LOXL2: variants seen among roughly 807,000 people sequenced by gnomAD.
LOXL2 encodes the protein lysyl oxidase like 2.
Under a neutral mutation model 93.0 loss-of-function variants are expected in LOXL2, and 70 were observed. The observed-to-expected ratio is 0.75, with a 90% confidence interval of 0.62 to 0.92. The LOEUF is 0.92. Ranked by LOEUF, LOXL2 falls within the 40% of genes least tolerant of loss-of-function variation. The probability of loss-of-function intolerance (pLI) is 0.00; values close to 1 mark genes in which losing one functional copy is unlikely to be tolerated. For synonymous variants in LOXL2, 438 were observed against 413.2 expected (o/e 1.06, Z -0.73); for missense variants, 973 against 1,054.9 (o/e 0.92, Z 1.08).
chr8:23,302,272 C>A, intron 11 of LOXL2, 109 bp from the exon 12 acceptor site: 1 of 1,365,982 alleles, frequency 7.3e-7, no homozygotes, highest in Non-Finnish European at 1.0e-6. Flanking sequence ...GCTCGGCATC[C>A]CACCCCACTG....
At chr8:23,371,913 G>C (rs1041862733) in intron 1 of LOXL2, among the ~76,000 whole-genome samples, 2 of 151,998 alleles carry the variant, frequency 1.3e-5, no homozygotes, top group Non-Finnish European at 2.9e-5. Flanking sequence ...TCTAATAAAT[G>C]CATGTTGTAA....
intron 10 of LOXL2, among the ~76,000 whole-genome samples, chr8:23,305,260 G>A (rs1803211741): frequency 1.3e-5 from 2 of 152,186 alleles, no homozygotes; most frequent in Admixed American, 6.5e-5. Context: ...CAGACGGAGC[G>A]CACAGACAGA....
At chr8:23,330,838 G>C (rs1055873066) in intron 5 of LOXL2, among the ~76,000 whole-genome samples, 3 of 152,062 alleles carry the variant, frequency 2.0e-5, no homozygotes, top group African/African-American at 7.2e-5. Flanking sequence ...GATTGTCGGA[G>C]GAGAGGGACA....
chr8:23,371,062 G>C (rs1220079836), intron 1 of LOXL2: 1 of 152,240 alleles, frequency 6.6e-6, no homozygotes, highest in Non-Finnish European at 1.5e-5. Flanking sequence ...ACACAGGGTA[G>C]AGGAGCTGAG....
intron 10 of LOXL2, among the ~76,000 whole-genome samples, chr8:23,309,248 G>C (rs1803283116): frequency 6.6e-6 from 1 of 152,102 alleles, no homozygotes; most frequent in African/African-American, 2.4e-5. Flanking sequence ...CTCCCAAAGT[G>C]CTGGGATTAC....
At chr8:23,300,459 C>T (rs1313998914) in intron 12 of LOXL2, among the ~76,000 whole-genome samples, 1 of 152,174 alleles carries the variant, frequency 6.6e-6, no homozygotes, top group Non-Finnish European at 1.5e-5. Flanking sequence ...TCCTCCTCGC[C>T]CAGCTCCCTC....
chr8:23,357,841 T>C (rs1012473573), intron 3 of LOXL2, among the ~76,000 whole-genome samples: 1 of 152,252 alleles, frequency 6.6e-6, no homozygotes, highest in Non-Finnish European at 1.5e-5. Flanking sequence ...GTGCTTCTCA[T>C]TGCTGTTTAG....
At chr8:23,311,212 C>A (rs1803315145) in intron 9 of LOXL2, among the ~76,000 whole-genome samples, 1 of 152,194 alleles carries the variant, frequency 6.6e-6, no homozygotes, top group Non-Finnish European at 1.5e-5. Flanking sequence ...TCTCAGTAAA[C>A]CCTGTGAGTT....
chr8:23,330,396 G>A (rs780642953), intron 5 of LOXL2, among the ~76,000 whole-genome samples: 2 of 151,988 alleles, frequency 1.3e-5, no homozygotes, highest in South Asian at 2.1e-4. Flanking sequence ...AACAAAACAC[G>A]CATAACTACT....
In LOXL2 at chr8:23,335,104, C is replaced by T. The variant is rs147859412; in HGVS notation, c.744-1481G>A. 6.4e-4 allele frequency among the ~76,000 whole-genome samples: 97 copies of T among 152,276 alleles called. 1 individual carries two copies. In the East Asian group the frequency reaches 0.018, roughly 29 times the overall value. On this transcript the variant is annotated intron_variant, in intron 4 of 13. Coordinates refer to ENST00000389131, the MANE Select transcript of LOXL2 (RefSeq NM_002318.3). Reference sequence around the variant, plus strand: ...CGTTGGGATTACAGGGATGAGCTATCACGCCAGACCATAAATCTGTATTTG... The same window carrying T: ...CGTTGGGATTACAGGGATGAGCTATTACGCCAGACCATAAATCTGTATTTG...
At chr8:23,321,368 G>A (rs372318572) in intron 7 of LOXL2, among the ~76,000 whole-genome samples, 24 of 152,328 alleles carry the variant, frequency 1.6e-4, no homozygotes, top group African/African-American at 5.5e-4. Flanking sequence ...TGCACTGGGG[G>A]GCTTTTCTCA....
At chr8:23,301,786 TAACTC>T (rs2117138075) in intron 12 of LOXL2, among the ~76,000 whole-genome samples, 1 of 152,332 alleles carries the variant, frequency 6.6e-6, no homozygotes, top group East Asian at 1.9e-4. Context: ...CACCAGGTGT[TAACTC>T]AATCAAATGT....
chr8:23,303,501 C>A, intron 10 of LOXL2, 104 bp from the exon 11 acceptor site: 1 of 688,896 alleles, frequency 1.5e-6, no homozygotes. Flanking sequence ...TTCCAGGGGA[C>A]CAGAGGGGGC....
intron 6 of LOXL2, among the ~76,000 whole-genome samples, chr8:23,322,734 T>TA (rs1282594834): frequency 6.6e-6 from 1 of 152,178 alleles, no homozygotes; most frequent in Non-Finnish European, 1.5e-5. Flanking sequence ...AAAGGGATTT[T>TA]AAAAATAAAG....
intron 8 of LOXL2, among the ~76,000 whole-genome samples, chr8:23,319,417 A>G (rs966246356): frequency 8.1e-5 from 12 of 147,790 alleles, no homozygotes; most frequent in African/African-American, 3.0e-4. Flanking sequence ...GGGAGAATGC[A>G]TTAGGCACAG....
chr8:23,330,063 C>T (rs1454167273), intron 5 of LOXL2, among the ~76,000 whole-genome samples: 1 of 151,754 alleles, frequency 6.6e-6, no homozygotes, highest in Non-Finnish European at 1.5e-5. Flanking sequence ...CGGTGGCTCA[C>T]GCCTGTAATC....
chr8:23,326,228 C>A (rs1208336816), intron 6 of LOXL2, among the ~76,000 whole-genome samples: 1 of 152,262 alleles, frequency 6.6e-6, no homozygotes, highest in Non-Finnish European at 1.5e-5. Context: ...ACAAGGACAG[C>A]ATCCAAAATG....
chr8:23,382,498 C>T (rs921950860), intron 1 of LOXL2: 6 of 129,718 alleles, frequency 4.6e-5, no homozygotes, highest in Admixed American at 9.3e-5. Context: ...GCCTGGGTGA[C>T]AGAGCGAGAC....
chr8:23,300,098 A>AAGGCCTCCAGCTGTGCAGGCCT (rs1268523930), intron 12 of LOXL2, among the ~76,000 whole-genome samples: 4 of 152,250 alleles, frequency 2.6e-5, no homozygotes, highest in African/African-American at 9.6e-5. Flanking sequence ...TCCACATGCC[A>AAGGCCTCCAGCTGTGCAGGCCT]AGGCCTCCAG....
Sources: gnomAD v4.1 joint callset for allele counts (sites outside exome capture counted in the v4.1 genomes callset) on GRCh38, gnomAD v4.1.1 for gene constraint, MANE v1.5 for transcripts, NCBI Gene and HGNC (gene_info 2026-07-23, HGNC 2026-07-21) for gene names.